Variants in ULK4 observed in about 807,000 individuals in gnomAD.
ULK4 encodes the protein inactive serine/threonine-protein kinase ULK4.
A neutral mutation model predicts 160.6 loss-of-function variants in ULK4; 133 were observed. The ratio of observed to expected loss-of-function variants is 0.83; its 90% CI spans 0.72 to 0.96. The LOEUF (loss-of-function observed/expected upper bound fraction) is 0.96, where lower values mean the gene tolerates loss of function less well. Among genes scored for constraint, ULK4 ranks in the 40% least tolerant of loss-of-function variants. The pLI, the probability that ULK4 is intolerant of heterozygous loss-of-function variation, is 0.00. For synonymous variants in ULK4, 534 were observed against 539.8 expected, an observed-to-expected ratio of 0.99 and a Z score of 0.15; for missense variants, 1,580 against 1,499.5, an observed-to-expected ratio of 1.05 and a Z score of -0.89.
chr3:41,837,313 C>A (rs957884111), intron 17 of ULK4, among the ~76,000 whole-genome samples: 10 of 152,132 alleles, frequency 6.6e-5, no homozygotes, highest in Non-Finnish European at 1.0e-4. Context: ...CCTGTGAAAT[C>A]ATCACTGCAA....
intron 22 of ULK4, among the ~76,000 whole-genome samples, chr3:41,736,706 A>G (rs529846611): frequency 2.7e-5 from 4 of 150,804 alleles, no homozygotes; most frequent in South Asian, 2.1e-4. Flanking sequence ...ATTAGATCCC[A>G]TTTGTCAATT....
At chr3:41,358,472 C>A (rs913775772) in intron 35 of ULK4, among the ~76,000 whole-genome samples, 3 of 152,090 alleles carry the variant, frequency 2.0e-5, no homozygotes, top group African/African-American at 4.8e-5. Flanking sequence ...GAGAAAGGGG[C>A]GCCTGTTCCT....
intron 35 of ULK4, among the ~76,000 whole-genome samples, chr3:41,376,448 A>G (rs2081497499): frequency 6.7e-6 from 1 of 150,296 alleles, no homozygotes; most frequent in Non-Finnish European, 1.5e-5. Context: ...CTCTTTGCAG[A>G]CGACATGATT....
chr3:41,946,551 AC>A (rs1212838204), intron 2 of ULK4, among the ~76,000 whole-genome samples: 1 of 152,118 alleles, frequency 6.6e-6, no homozygotes, highest in Non-Finnish European at 1.5e-5. Flanking sequence ...TCACACTAAC[AC>A]CTGCACTAAA....
chr3:41,390,525 C>T (rs955643499), intron 35 of ULK4, among the ~76,000 whole-genome samples: 2 of 152,120 alleles, frequency 1.3e-5, no homozygotes, highest in African/African-American at 2.4e-5. Flanking sequence ...TTTCCCTCTA[C>T]ACACTGCTTT....
intron 30 of ULK4, among the ~76,000 whole-genome samples, chr3:41,632,481 G>C (rs1304997858): frequency 6.6e-6 from 1 of 152,078 alleles, no homozygotes; most frequent in Non-Finnish European, 1.5e-5. Flanking sequence ...CATTTGTTTG[G>C]TATCTTTTAT....
rs566647678 is a variant in ULK4 at position 41,842,330 on chromosome 3, G to C, written c.1657-6359C>G. 1.4e-3 allele frequency among the ~76,000 whole-genome samples: 210 copies of C among 152,090 alleles called. 1 individual carries two copies. Among genetic ancestry groups the C allele is most frequent in the Non-Finnish European group, 2.5e-3 (173 of 67,938 alleles). On this transcript the variant is annotated intron_variant, in intron 17 of 36. Coordinates refer to ENST00000301831, the MANE Select transcript of ULK4 (RefSeq NM_017886.4). ...TAAAAAGGGAAAAAAGAAAAAAAAT[G>C]GTTGCAATTATTCTACCTGGTTTCA...
At chr3:41,902,293 A>G (rs1698400169) in intron 12 of ULK4, among the ~76,000 whole-genome samples, 1 of 151,994 alleles carries the variant, frequency 6.6e-6, no homozygotes, top group South Asian at 2.1e-4. Context: ...GAAAACACAA[A>G]AAGAGGCCGG....
At chr3:41,501,378 G>T (rs1306546071) in intron 32 of ULK4, among the ~76,000 whole-genome samples, 2 of 152,066 alleles carry the variant, frequency 1.3e-5, no homozygotes, top group African/African-American at 2.4e-5. Context: ...GACACCTGTG[G>T]TCCCAGCTAC....
intron 35 of ULK4, among the ~76,000 whole-genome samples, chr3:41,316,939 C>T (rs2080152579): frequency 6.6e-6 from 1 of 151,838 alleles, no homozygotes; most frequent in South Asian, 2.1e-4. Flanking sequence ...CTTTTGCTCT[C>T]TATTCACATA....
chr3:41,590,096 G>A (rs989468348), intron 31 of ULK4, among the ~76,000 whole-genome samples: 6 of 151,550 alleles, frequency 4.0e-5, no homozygotes, highest in African/African-American at 7.3e-5. Flanking sequence ...TCCGCCTCCC[G>A]GATTCACGCC....
intron 21 of ULK4, among the ~76,000 whole-genome samples, chr3:41,774,130 C>G (rs191572751): frequency 6.6e-6 from 1 of 152,136 alleles, no homozygotes; most frequent in Non-Finnish European, 1.5e-5. Context: ...TAGAAGAAAA[C>G]CTAGGCATTA....
chr3:41,826,441 TCAAAA>T (rs200001870), intron 18 of ULK4, among the ~76,000 whole-genome samples: 26,706 of 150,814 alleles, frequency 0.18, 2,382 homozygotes, highest in Middle Eastern at 0.32. Flanking sequence ...ACACATAAGC[TCAAAA>T]TAAAGGGATG....
At chr3:41,629,192 T>A (rs1421439935) in intron 30 of ULK4, among the ~76,000 whole-genome samples, 1 of 152,164 alleles carries the variant, frequency 6.6e-6, no homozygotes, top group Non-Finnish European at 1.5e-5. Context: ...GGATGACTCG[T>A]CTTTGTTTCA....
intron 21 of ULK4, among the ~76,000 whole-genome samples, chr3:41,777,119 A>G (rs1379020934): frequency 3.0e-5 from 1 of 33,748 alleles, no homozygotes; most frequent in Non-Finnish European, 4.6e-5. Flanking sequence ...TGGTCTATTC[A>G]GAGATTCAAC....
chr3:41,253,920 A>G (rs991602755), intron 35 of ULK4, among the ~76,000 whole-genome samples: 2 of 152,230 alleles, frequency 1.3e-5, no homozygotes, highest in Middle Eastern at 3.2e-3. Flanking sequence ...ACATATTTTG[A>G]TTAAAGGGTT....
At chr3:41,847,311 A>G (rs1036277552) in intron 17 of ULK4, among the ~76,000 whole-genome samples, 1 of 152,228 alleles carries the variant, frequency 6.6e-6, no homozygotes, top group Non-Finnish European at 1.5e-5. Flanking sequence ...AATACTTGCA[A>G]AGACATAATT....
chr3:41,639,008 T>A (rs950319690), intron 30 of ULK4, among the ~76,000 whole-genome samples: 2 of 152,194 alleles, frequency 1.3e-5, no homozygotes, highest in African/African-American at 4.8e-5. Flanking sequence ...AGCGTAAATA[T>A]TAAAACAGAA....
At chr3:41,634,871 A>G (rs974594) in intron 30 of ULK4, among the ~76,000 whole-genome samples, 57,236 of 152,112 alleles carry the variant, frequency 0.38, 14,668 homozygotes, top group African/African-American at 0.73. Context: ...ATGTACAGAG[A>G]AGAAAGGCAT....
Sources: allele counts gnomAD v4.1 joint callset (sites outside exome capture counted in the v4.1 genomes callset), GRCh38; gene constraint gnomAD v4.1.1; transcripts MANE v1.5; gene names NCBI Gene and HGNC (gene_info 2026-07-23, HGNC 2026-07-21).